MAPK14: variants seen among roughly 807,000 people sequenced by gnomAD.
MAPK14 encodes the protein mitogen-activated protein kinase 14.
A neutral mutation model predicts 49.6 loss-of-function variants in MAPK14; 16 were observed. That is an observed-to-expected ratio of 0.32 (90% confidence interval 0.22 to 0.49). MAPK14 has a LOEUF of 0.49. Among genes scored for constraint, MAPK14 ranks in the 20% least tolerant of loss-of-function variants. The pLI is 0.99. For synonymous variants in MAPK14, 142 were observed against 158.0 expected (o/e 0.90, Z 0.76); for missense variants, 200 against 441.2 (o/e 0.45, Z 4.90).
At chr6:36,096,271 C>T in intron 9 of MAPK14, 1 of 500,562 alleles carries the variant, frequency 2.0e-6, no homozygotes, top group Admixed American at 3.7e-5. Flanking sequence ...GTGTTTTATT[C>T]TCTATCTGGG....
chr6:36,059,341 A>T lies in MAPK14; in HGVS notation c.299A>T (p.Asn100Ile). 1 of 1,610,764 alleles carries T rather than the reference A, an allele frequency of 6.2e-7. No individual in the cohort carries two copies. The highest frequency in any genetic ancestry group is 8.5e-7 in the Non-Finnish European group (1 of 1,177,086). ...FTPARSLEEFNDVYLVTHLMG... is the reference protein window; with the variant it reads ...FTPARSLEEFIDVYLVTHLMG... ...CCTGCAAGGTCTCTGGAGGAATTCAATGATGTGTGAGTAAATTTTTTGCAT... is the reference window on the plus strand; with the variant it reads ...CCTGCAAGGTCTCTGGAGGAATTCATTGATGTGTGAGTAAATTTTTTGCAT... Residue 100 changes from asparagine to isoleucine, a missense_variant, in exon 3 of 12, where the codon AAT (asparagine) becomes ATT (isoleucine). Transcript: ENST00000229794.
intron 8 of MAPK14, among the ~76,000 whole-genome samples, chr6:36,088,225 T>G (rs763026050): frequency 2.0e-5 from 3 of 152,050 alleles, no homozygotes; most frequent in Non-Finnish European, 4.4e-5. Context: ...GGGCAAAAAT[T>G]TCATGATGAA....
downstream of MAPK14, among the ~76,000 whole-genome samples, chr6:36,114,895 C>A (rs780761307): frequency 6.6e-6 from 1 of 152,096 alleles, no homozygotes; most frequent in Non-Finnish European, 1.5e-5. Flanking sequence ...CTCAATGTGC[C>A]TGGTGTGTTG....
rs1764047245 is a variant in MAPK14 at position 36,066,141 on chromosome 6, A to G, written c.306-6732A>G. 2.0e-5 allele frequency among the ~76,000 whole-genome samples: 3 copies of G among 152,152 alleles called. No homozygotes were observed. The South Asian group carries it at 6.2e-4, about 31-fold the overall frequency. On this transcript the variant is annotated intron_variant, in intron 3 of 11. Coordinates refer to ENST00000229794, the MANE Select transcript of MAPK14 (RefSeq NM_139012.3). ...CTTATTTGACACAACAATCCTGTGA[A>G]ACAGATGGTATTATCTCTAATTTTC... is the stretch of plus-strand genomic sequence containing the variant.
intron 8 of MAPK14, among the ~76,000 whole-genome samples, chr6:36,089,120 C>G (rs772740732): frequency 1.3e-5 from 2 of 152,148 alleles, no homozygotes; most frequent in African/African-American, 2.4e-5. Context: ...TTGATTGCAG[C>G]AGTATTCAGA....
chr6:36,045,451 C>A (rs1443707234), intron 1 of MAPK14, among the ~76,000 whole-genome samples: 3 of 152,114 alleles, frequency 2.0e-5, no homozygotes, highest in Non-Finnish European at 4.4e-5. Context: ...TGATTCTGTT[C>A]TCTTTGTTAA....
At chr6:36,066,255 A>C (rs1356575514) in intron 3 of MAPK14, among the ~76,000 whole-genome samples, 1 of 151,986 alleles carries the variant, frequency 6.6e-6, no homozygotes, top group Non-Finnish European at 1.5e-5. Flanking sequence ...TTGGCTCTAA[A>C]CCTATTTCTC....
intron 1 of MAPK14, among the ~76,000 whole-genome samples, chr6:36,043,804 C>CTTTTTTTTTTTTTTTTTTTTTT (rs796534477): frequency 1.1e-5 from 1 of 90,394 alleles, no homozygotes; most frequent in Non-Finnish European, 2.1e-5. Context: ...CTTTTTCTTT[C>CTTTTTTTTTTTTTTTTTTTTTT]TTTTTTTTTT....
chr6:36,112,211 A>G (rs563695620), downstream of MAPK14, among the ~76,000 whole-genome samples: 13 of 152,172 alleles, frequency 8.5e-5, no homozygotes, highest in Middle Eastern at 6.8e-3. Flanking sequence ...GTCTCAAAAA[A>G]AAAAAAAGAA....
chr6:36,122,377 G>A, the MAPK14 span, among the ~76,000 whole-genome samples: 1 of 152,236 alleles, frequency 6.6e-6, no homozygotes, highest in Admixed American at 6.5e-5. Context: ...GCACAGCAGA[G>A]ACTGCCCCAG....
intron 10 of MAPK14, among the ~76,000 whole-genome samples, chr6:36,105,202 C>T (rs1765764826): frequency 6.6e-6 from 1 of 152,058 alleles, no homozygotes; most frequent in Non-Finnish European, 1.5e-5. Context: ...TGAATTAAAA[C>T]TTAAATTACC....
At chr6:36,075,790 T>G (rs780446312) in intron 6 of MAPK14, 58 bp from the exon 7 acceptor site, 18 of 1,609,932 alleles carry the variant, frequency 1.1e-5, no homozygotes, top group East Asian at 2.2e-5. Flanking sequence ...GTTTTGTTTT[T>G]TTTTCCCTGC....
At chr6:36,115,311 A>G (rs1391050262), downstream of MAPK14, among the ~76,000 whole-genome samples, 1 of 152,240 alleles carries the variant, frequency 6.6e-6, no homozygotes. Context: ...CCCAGCCTAG[A>G]TTCTTAACAA....
At chr6:36,073,576 A>C (rs1264112338) in intron 4 of MAPK14, 115 bp from the exon 5 acceptor site, 1 of 775,590 alleles carries the variant, frequency 1.3e-6, no homozygotes, top group African/African-American at 1.7e-5. Flanking sequence ...GCTGATTTCT[A>C]ATCTTACTAT....
chr6:36,028,370 G>A lies in MAPK14; in HGVS notation c.116+97G>A. 1 of 845,384 alleles carries A rather than the reference G, an allele frequency of 1.2e-6. No homozygotes were observed. The highest frequency in any genetic ancestry group is 2.7e-5 in the East Asian group (1 of 37,232). The allele number at this position is 845,384 out of a possible 1,614,324, so 52.4% of individuals were successfully genotyped here. A position where few individuals can be genotyped will look rare whatever the true frequency, so the allele number is the denominator to read the frequency against. ...CTGCTCAGCGTTGCGTCAAGTGGCA[G>A]GAATTTTCCTCGGGGGAGGGCATTG... On this transcript the variant is annotated intron_variant, in intron 1 of 11. Coordinates refer to ENST00000229794, the MANE Select transcript of MAPK14 (RefSeq NM_139012.3). This position sits in a 1 kb window ranked among gnomAD's most constrained non-coding sequence, Gnocchi z 5.1.
intron 8 of MAPK14, among the ~76,000 whole-genome samples, chr6:36,093,720 CAAAAAAAAAAA>C (rs11343231): frequency 3.2e-4 from 27 of 83,142 alleles, no homozygotes; most frequent in South Asian, 1.5e-3. Flanking sequence ...GACTCCGTCT[CAAAAAAAAAAA>C]AAAAAAAAAA....
intron 1 of MAPK14, among the ~76,000 whole-genome samples, chr6:36,044,690 C>A (rs1359180871): frequency 1.3e-5 from 2 of 151,674 alleles, no homozygotes; most frequent in African/African-American, 4.8e-5. Context: ...GCCTGGGCAA[C>A]AAGCAAGGCC....
Position 36,076,818 on chromosome 6 carries a change from A to T in MAPK14, c.682+210A>T, listed in dbSNP as rs1409548992. 9.2e-6 allele frequency: 4 copies of T among 437,120 alleles called. No individual in the cohort carries two copies. In the South Asian group the frequency reaches 1.6e-4, roughly 18 times the overall value. The allele number at this position is 437,120 out of a possible 1,614,324, so 27.1% of individuals were successfully genotyped here. On this transcript the variant is annotated intron_variant, in intron 8 of 11. Transcript: ENST00000229794. Reference sequence around the variant, plus strand: ...CTTTTGTGAGTTGGAAAAATTCCTCATAAGTTGAAAAACCCATCAAGTCTG... The same window carrying T: ...CTTTTGTGAGTTGGAAAAATTCCTCTTAAGTTGAAAAACCCATCAAGTCTG...
At chr6:36,072,782 C>T (rs1199324113) in intron 3 of MAPK14, 91 bp from the exon 4 acceptor site, 2 of 728,474 alleles carry the variant, frequency 2.7e-6, no homozygotes, top group Admixed American at 3.0e-5. Context: ...AAACAAAAAC[C>T]AAAAAAACCA....
Sources: gnomAD v4.1 joint callset for allele counts (sites outside exome capture counted in the v4.1 genomes callset) on GRCh38, gnomAD v4.1.1 for gene constraint, Gnocchi (gnomAD v3.1) non-coding constraint, MANE v1.5 for transcripts, NCBI Gene and HGNC (gene_info 2026-07-23, HGNC 2026-07-21) for gene names.